Variants in ARMCX4 observed in about 807,000 individuals in gnomAD.
ARMCX4 encodes the protein armadillo repeat-containing X-linked protein 4.
ARMCX4 carries 3 observed loss-of-function variants against 34.7 expected under a neutral mutation model. The ratio of observed to expected loss-of-function variants is 0.09; its 90% CI spans 0.04 to 0.22. The LOEUF is 0.22. Among genes scored for constraint, ARMCX4 ranks in the 10% least tolerant of loss-of-function variants. ARMCX4 has a pLI of 1.00. For synonymous variants in ARMCX4, 513 were observed against 632.8 expected, an observed-to-expected ratio of 0.81 and a Z score of 2.84; for missense variants, 1,448 against 1,720.8, an observed-to-expected ratio of 0.84 and a Z score of 2.81.
At chrX:101,485,554 CCCT>C in intron 1 of ARMCX4, 24 bp downstream of exon 1, 1 of 365,268 alleles carries the variant, frequency 2.7e-6, no homozygotes, top group African/African-American at 2.8e-5. Context: ...GGCCCGCGCG[CCCT>C]GGCCAGGCCG....
chrX:101,440,380 T>C (rs1555996511), intron 2 of ARMCX4, among the ~76,000 whole-genome samples: 1 of 111,909 alleles, frequency 8.9e-6, no homozygotes, highest in Non-Finnish European at 1.9e-5. Flanking sequence ...GGTGTCAGTC[T>C]GCCCCTGCTG....
intron 2 of ARMCX4, among the ~76,000 whole-genome samples, chrX:101,436,812 A>C (rs1930814250): frequency 8.9e-6 from 1 of 111,750 alleles, no homozygotes; most frequent in Non-Finnish European, 1.9e-5. Flanking sequence ...ATTTTGAGAT[A>C]CGTCCCATCA....
At chrX:101,474,883 C>T (rs1933104912) in intron 4 of ARMCX4, among the ~76,000 whole-genome samples, 1 of 102,615 alleles carries the variant, frequency 9.7e-6, no homozygotes, top group Admixed American at 1.1e-4. Flanking sequence ...GGAAGCATTC[C>T]CTTTGAAAAC....
chrX:101,433,119 TATGTATACATATTTGTATATATACTCAC>T (rs1555992950), intron 2 of ARMCX4, among the ~76,000 whole-genome samples: 16 of 89,726 alleles, frequency 1.8e-4, no homozygotes, highest in East Asian at 7.0e-4. Context: ...TATACACATG[TATGTATACATATTTGTATATATACTCAC>T]ATATACACAT....
chrX:101,501,857 G>A (rs1163381288), intron 7 of ARMCX4, among the ~76,000 whole-genome samples: 1 of 111,595 alleles, frequency 9.0e-6, no homozygotes, highest in African/African-American at 3.3e-5. Flanking sequence ...TGTCTTTACT[G>A]CATCCTGTTT....
At chrX:101,513,389 A>G (rs1026540754) in intron 11 of ARMCX4, among the ~76,000 whole-genome samples, 1 of 111,748 alleles carries the variant, frequency 8.9e-6, no homozygotes, top group Non-Finnish European at 1.9e-5. Context: ...ATCATGATAC[A>G]GATATCCTGT....
At chrX:101,473,405 AG>A (rs1273459022) in intron 4 of ARMCX4, among the ~76,000 whole-genome samples, 1 of 104,699 alleles carries the variant, frequency 9.6e-6, no homozygotes, top group Non-Finnish European at 2.0e-5. Flanking sequence ...TCAACGAGAC[AG>A]AAAGTCAACA....
chrX:101,492,609 A>T lies in ARMCX4; in HGVS notation c.4020A>T (p.Ser1340=), dbSNP rs1357038186. Residue 1340 remains serine, a synonymous_variant, in exon 6 of 6, where the codon TCA becomes TCT. Transcript: ENST00000423738. ...AGAGGQASGG[S]MLGPEDQSSG... ...CTGGTGGCCAGGCTAGTGGAGGGTC[A>T]ATGTTGGGGCCTGAGGACCAGTCCA... is the stretch of plus-strand genomic sequence containing the variant. 1 of 1,089,511 alleles carries T rather than the reference A, an allele frequency of 9.2e-7. No individual in the cohort carries two copies. The highest frequency in any genetic ancestry group is 2.2e-5 in the South Asian group (1 of 45,245). 89.8% of individuals were successfully genotyped at this position (1,089,511 alleles called of 1,213,427 possible). A position where few individuals can be genotyped will look rare whatever the true frequency, so the allele number is the denominator to read the frequency against.
chrX:101,498,897 T>C (rs1344580398), downstream of ARMCX4: 1 of 111,575 alleles, frequency 9.0e-6, no homozygotes, highest in East Asian at 2.8e-4. Context: ...CTTGCTTCAA[T>C]ATATGGAATC....
intron 2 of ARMCX4, among the ~76,000 whole-genome samples, chrX:101,443,002 G>A (rs1931398172): frequency 9.2e-6 from 1 of 109,079 alleles, no homozygotes; most frequent in African/African-American, 3.3e-5. Flanking sequence ...GTGGTGGCAG[G>A]CACCTATAGT....
intron 12 of ARMCX4, chrX:101,532,470 G>T: frequency 9.0e-6 from 1 of 111,275 alleles, no homozygotes; most frequent in East Asian, 2.8e-4. Context: ...GGCTGCTATA[G>T]TGGCTAGAGG....
chrX:101,470,085 T>C (rs879987299), intron 4 of ARMCX4, among the ~76,000 whole-genome samples: 1 of 111,959 alleles, frequency 8.9e-6, no homozygotes, highest in Admixed American at 9.5e-5. Context: ...TAATGTCACC[T>C]GCTGGCCCTT....
intron 12 of ARMCX4, chrX:101,532,520 A>T (rs1556022389): frequency 9.0e-6 from 1 of 111,389 alleles, no homozygotes; most frequent in Non-Finnish European, 1.9e-5. Flanking sequence ...GGTTGCTGAT[A>T]TACAAACAGG....
chrX:101,427,312 G>T (rs62600821), intron 2 of ARMCX4, among the ~76,000 whole-genome samples: 7,096 of 110,999 alleles, frequency 0.064, 224 homozygotes, highest in South Asian at 0.27. Context: ...TTATTTAGAG[G>T]TTTATTTAGT....
chrX:101,461,382 A>G (rs1473921067), intron 4 of ARMCX4, among the ~76,000 whole-genome samples: 3 of 112,065 alleles, frequency 2.7e-5, no homozygotes, highest in African/African-American at 6.5e-5. Context: ...GTCAGCATGT[A>G]ACAGACTTTC....
chrX:101,519,938 T>A (rs782449135), intron 11 of ARMCX4, among the ~76,000 whole-genome samples: 37 of 111,421 alleles, frequency 3.3e-4, no homozygotes, highest in African/African-American at 1.2e-3. Context: ...AGCATTTTTT[T>A]ATATACCTGT....
chrX:101,482,890 C>CTT (rs36075508), upstream of ARMCX4, among the ~76,000 whole-genome samples: 167 of 54,734 alleles, frequency 3.1e-3, no homozygotes, highest in Non-Finnish European at 3.6e-3. Flanking sequence ...TTGCGTCAGG[C>CTT]TTTTTTTTTT....
intron 11 of ARMCX4, among the ~76,000 whole-genome samples, chrX:101,520,927 G>A (rs1603227827): frequency 9.4e-6 from 1 of 106,440 alleles, no homozygotes; most frequent in African/African-American, 3.4e-5. Flanking sequence ...CTAATTAAAT[G>A]TCTTTTTTTT....
At chrX:101,459,036 G>C (rs1932474375) in intron 4 of ARMCX4, among the ~76,000 whole-genome samples, 1 of 111,159 alleles carries the variant, frequency 9.0e-6, no homozygotes, top group African/African-American at 3.3e-5. Context: ...GATAATACTG[G>C]GTATAAGTAT....
Sources: allele counts gnomAD v4.1 joint callset (sites outside exome capture counted in the v4.1 genomes callset), GRCh38; gene constraint gnomAD v4.1.1; transcripts MANE v1.5; gene names NCBI Gene and HGNC (gene_info 2026-07-23, HGNC 2026-07-21).